Variants in CALCR observed in about 807,000 individuals in gnomAD.
CALCR encodes calcitonin receptor.
In CALCR, 47 loss-of-function variants were observed where a neutral mutation model predicts 59.5. The observed-to-expected ratio is 0.79, with a 90% confidence interval of 0.63 to 1.01. CALCR has a LOEUF of 1.01. CALCR is among the 50% of genes least tolerant of loss of function. The pLI, the probability that CALCR is intolerant of heterozygous loss-of-function variation, is 0.00. For synonymous variants in CALCR, 213 were observed against 211.3 expected (o/e 1.01, Z -0.07); for missense variants, 566 against 597.1 (o/e 0.95, Z 0.54).
chr7:93,549,223 C>A (rs566947386), intron 2 of CALCR, among the ~76,000 whole-genome samples: 1 of 152,208 alleles, frequency 6.6e-6, no homozygotes, highest in South Asian at 2.1e-4. Context: ...AGCTGCTGAA[C>A]TCTTTATTCA....
intron 13 of CALCR, among the ~76,000 whole-genome samples, chr7:93,430,714 G>C (rs1164702217): frequency 6.6e-6 from 1 of 152,166 alleles, no homozygotes; most frequent in Non-Finnish European, 1.5e-5. Context: ...AGCAGCATCA[G>C]TATCACCTGG....
At chr7:93,468,658 A>G (rs1463843493) in intron 7 of CALCR, 57 bp downstream of exon 7, 36 of 1,239,912 alleles carry the variant, frequency 2.9e-5, no homozygotes, top group Non-Finnish European at 4.1e-5. Flanking sequence ...AGAATTCACC[A>G]TTCGTTTCAG....
At chr7:93,525,560 T>A (rs1377952562) in intron 2 of CALCR, among the ~76,000 whole-genome samples, 1 of 152,212 alleles carries the variant, frequency 6.6e-6, no homozygotes, top group African/African-American at 2.4e-5. Flanking sequence ...TCAAACCTAC[T>A]TTGTCAGAGG....
chr7:93,497,346 T>C (rs1801230180), intron 2 of CALCR, among the ~76,000 whole-genome samples: 1 of 151,708 alleles, frequency 6.6e-6, no homozygotes, highest in Admixed American at 6.6e-5. Context: ...GCTTGCATTA[T>C]GTGTATACAT....
intron 2 of CALCR, among the ~76,000 whole-genome samples, chr7:93,520,424 T>C (rs1801737857): frequency 6.6e-6 from 1 of 152,140 alleles, no homozygotes; most frequent in Non-Finnish European, 1.5e-5. Flanking sequence ...GATTTAATCA[T>C]TAAGAGAGTA....
chr7:93,484,110 G>A (rs1189532798), intron 3 of CALCR: 3 of 367,644 alleles, frequency 8.2e-6, no homozygotes, highest in Non-Finnish European at 1.8e-5. Flanking sequence ...ACTCTTCTAG[G>A]TTCTGGAAAT....
chr7:93,526,632 A>T (rs1801883221), intron 2 of CALCR, among the ~76,000 whole-genome samples: 1 of 152,114 alleles, frequency 6.6e-6, no homozygotes, highest in African/African-American at 2.4e-5. Flanking sequence ...AATAATGTAA[A>T]GTGATAATAT....
chr7:93,548,625 A>T (rs574006325), intron 2 of CALCR, among the ~76,000 whole-genome samples: 5 of 152,080 alleles, frequency 3.3e-5, no homozygotes, highest in Non-Finnish European at 5.9e-5. Flanking sequence ...TGCAAAATAG[A>T]ATCTTTGAGC....
intron 2 of CALCR, among the ~76,000 whole-genome samples, chr7:93,556,258 C>T (rs879282301): frequency 6.6e-6 from 1 of 152,120 alleles, no homozygotes; most frequent in Non-Finnish European, 1.5e-5. Flanking sequence ...CAAAGCCTGA[C>T]CCTAAAGGGC....
rs767942866 is a variant in CALCR, at chr7:93,424,783, G to GTGAT, written c.*1569_*1572dup. Reference sequence around the variant, plus strand: ...AAATAGAACAATACTACATAACACTGTGATTGGAAAAATACCTTCTTTTCG... The same window carrying GTGAT: ...AAATAGAACAATACTACATAACACTGTGATTGATTGGAAAAATACCTTCTTTTCG... On this transcript the variant is annotated 3_prime_UTR_variant, in exon 14 of 14. Transcript: ENST00000426151. 3 of 152,668 alleles carry GTGAT rather than the reference G, an allele frequency of 2.0e-5. No individual in the cohort carries two copies. The highest frequency in any genetic ancestry group is 3.9e-4 in the East Asian group (2 of 5,182). 9.5% of individuals were successfully genotyped at this position (152,668 alleles called of 1,614,324 possible). A position where few individuals can be genotyped will look rare whatever the true frequency, so the allele number is the denominator to read the frequency against.
At chr7:93,485,366 G>C (rs1800919129) in intron 3 of CALCR, among the ~76,000 whole-genome samples, 1 of 151,582 alleles carries the variant, frequency 6.6e-6, no homozygotes, top group Non-Finnish European at 1.5e-5. Context: ...ATTAGTAAAA[G>C]TTTTGAATAA....
chr7:93,550,840 C>T (rs959690686), intron 2 of CALCR, among the ~76,000 whole-genome samples: 18 of 152,114 alleles, frequency 1.2e-4, no homozygotes, highest in Non-Finnish European at 8.8e-5. Flanking sequence ...AAGAGTGCAC[C>T]TGTGATACCA....
chr7:93,443,498 G>T (rs1206402451), intron 9 of CALCR, 106 bp downstream of exon 9: 11 of 1,052,078 alleles, frequency 1.0e-5, no homozygotes, highest in Non-Finnish European at 1.5e-5. Context: ...ATTCCTTGAA[G>T]GACCTGGGAC....
intron 2 of CALCR, among the ~76,000 whole-genome samples, chr7:93,550,502 A>G (rs910822243): frequency 8.7e-5 from 13 of 150,252 alleles, no homozygotes; most frequent in African/African-American, 2.9e-4. Context: ...AAAAAAAAAA[A>G]AAAAAAAAAA....
chr7:93,473,713 A>G (rs562585055), intron 5 of CALCR, among the ~76,000 whole-genome samples: 1 of 151,034 alleles, frequency 6.6e-6, no homozygotes, highest in South Asian at 2.1e-4. Context: ...AGTTCAGCTT[A>G]CACTAAAATA....
At chr7:93,446,181 C>T (rs1380695836) in intron 8 of CALCR, among the ~76,000 whole-genome samples, 5 of 151,984 alleles carry the variant, frequency 3.3e-5, no homozygotes, top group East Asian at 1.9e-4. Flanking sequence ...TTGGGTTTGA[C>T]GCAAGATATT....
chr7:93,436,061 A>C lies in CALCR; in HGVS notation c.1040T>G (p.Ile347Ser). Reference protein sequence around the residue: ...MYLKAVKATMILVPLLGIQFV... With the variant: ...MYLKAVKATMSLVPLLGIQFV... ...CTGGATTCCCAGCAGGGGCACAAGG[A>C]TCATGGTGGCCTTCACAGCCTTCAG... Residue 347 changes from isoleucine to serine, a missense_variant, in exon 12 of 14, where the codon ATC becomes AGC. Ile to Ser is a moderately radical substitution (Grantham distance 142). Transcript: ENST00000426151. 1 of 1,614,040 alleles carries C rather than the reference A, an allele frequency of 6.2e-7. No homozygotes were observed.
intron 2 of CALCR, among the ~76,000 whole-genome samples, chr7:93,561,940 C>T (rs1235023436): frequency 1.4e-5 from 2 of 142,980 alleles, no homozygotes; most frequent in Non-Finnish European, 3.0e-5. Context: ...TAAATCCTGC[C>T]TCTGCTTCTG....
chr7:93,478,088 A>T (rs912204356), intron 4 of CALCR, among the ~76,000 whole-genome samples: 1 of 151,556 alleles, frequency 6.6e-6, no homozygotes, highest in African/African-American at 2.4e-5. Flanking sequence ...AAAATTATTT[A>T]AAAAATGAAA....
Sources: gnomAD v4.1 joint callset for allele counts (sites outside exome capture counted in the v4.1 genomes callset) on GRCh38, gnomAD v4.1.1 for gene constraint, MANE v1.5 for transcripts, NCBI Gene and HGNC (gene_info 2026-07-23, HGNC 2026-07-21) for gene names.